CUX1: variants seen among roughly 807,000 people sequenced by gnomAD.
The protein encoded by CUX1 is cut like homeobox 1.
A neutral mutation model predicts 158.8 loss-of-function variants in CUX1; 31 were observed. The ratio of observed to expected loss-of-function variants is 0.20; its 90% CI spans 0.15 to 0.26. The LOEUF (loss-of-function observed/expected upper bound fraction) is 0.26, where lower values mean the gene tolerates loss of function less well. Among genes scored for constraint, CUX1 ranks in the 10% least tolerant of loss-of-function variants. The pLI, the probability that CUX1 is intolerant of heterozygous loss-of-function variation, is 1.00. For missense variants in CUX1, 1,589 were observed against 2,014.6 expected, an observed-to-expected ratio of 0.79 and a Z score of 4.04; for synonymous variants, 879 against 862.1, an observed-to-expected ratio of 1.02 and a Z score of -0.34.
At position 101,923,770 on chromosome 7, in the gene CUX1, G is replaced by A. The variant is rs569304022; in HGVS notation, c.141+7545G>A. Among the ~76,000 whole-genome samples, 269 of 152,304 alleles carry A rather than the reference G, an allele frequency of 1.8e-3. 1 individual carries two copies. Among genetic ancestry groups the A allele is most frequent in the Admixed American group, 3.5e-3 (54 of 15,306 alleles). ...CTCCATCCTGGCTCTTGTTGGCTGC[G>A]GCGGCAGCCCTGACTGTCGGAGACG... is the stretch of plus-strand genomic sequence containing the variant. On this transcript the variant is annotated intron_variant, in intron 2 of 23. Transcript: ENST00000292535.
At chr7:101,906,336 CAGG>C (rs1802750489) in intron 1 of CUX1, among the ~76,000 whole-genome samples, 1 of 151,742 alleles carries the variant, frequency 6.6e-6, no homozygotes, top group Non-Finnish European at 1.5e-5. Flanking sequence ...TGAGGTGAGG[CAGG>C]AGGAGCAGGG....
chr7:102,039,799 A>G (rs1271087303), intron 3 of CUX1, among the ~76,000 whole-genome samples: 1 of 152,088 alleles, frequency 6.6e-6, no homozygotes, highest in Non-Finnish European at 1.5e-5. Context: ...TACATCCATA[A>G]CTGTGTCCAT....
chr7:102,189,987 G>A, intron 12 of CUX1, 116 bp downstream of exon 12: 1 of 1,036,424 alleles, frequency 9.6e-7, no homozygotes, highest in South Asian at 1.4e-5. Flanking sequence ...CTCAGCAGAT[G>A]CCCGTAAATG....
chr7:101,849,944 G>C (rs903706447), intron 1 of CUX1, among the ~76,000 whole-genome samples: 2 of 137,108 alleles, frequency 1.5e-5, no homozygotes, highest in African/African-American at 5.4e-5. Flanking sequence ...TTTTTGACAG[G>C]GTCTCACTCT....
At position 101,833,320 on chromosome 7, in the gene CUX1, G is replaced by A. The variant is rs570368131; in HGVS notation, c.30+15651G>A. 2.0e-5 allele frequency among the ~76,000 whole-genome samples: 3 copies of A among 151,850 alleles called. No individual in the cohort carries two copies. The South Asian group carries it at 6.2e-4, about 32-fold the overall frequency. On this transcript the variant is annotated intron_variant, in intron 1 of 23. Coordinates refer to ENST00000292535, the MANE Select transcript of CUX1 (RefSeq NM_181552.4). Reference sequence around the variant, plus strand: ...TACCAATACTTTAGGAGGTCAAGGCGGAAGGATTGCTTGAGCCCAGTTGTT... The same window carrying A: ...TACCAATACTTTAGGAGGTCAAGGCAGAAGGATTGCTTGAGCCCAGTTGTT...
intron 4 of CUX1, among the ~76,000 whole-genome samples, chr7:102,079,470 C>T (rs1293288413): frequency 6.6e-6 from 1 of 151,790 alleles, no homozygotes; most frequent in African/African-American, 2.4e-5. Context: ...CTTATGATTT[C>T]GTTAGAAATA....
chr7:102,232,495 G>C (rs782369256), intron 21 of CUX1, among the ~76,000 whole-genome samples: 1 of 152,074 alleles, frequency 6.6e-6, no homozygotes, highest in Non-Finnish European at 1.5e-5. Flanking sequence ...TCCCTGCCCC[G>C]GATGGGGAGA....
At chr7:101,853,125 G>T (rs768863565) in intron 1 of CUX1, among the ~76,000 whole-genome samples, 3 of 152,152 alleles carry the variant, frequency 2.0e-5, no homozygotes, top group Non-Finnish European at 2.9e-5. Context: ...AGCTTTGCCA[G>T]TCAATTGCAT....
intron 2 of CUX1, among the ~76,000 whole-genome samples, chr7:102,007,167 G>T (rs1003950234): frequency 6.6e-6 from 1 of 152,092 alleles, no homozygotes; most frequent in African/African-American, 2.4e-5. Context: ...TTTGAGACAG[G>T]GTCTCGCTCT....
At chr7:102,214,905 G>A (rs1003347821) in intron 20 of CUX1, among the ~76,000 whole-genome samples, 57 of 152,162 alleles carry the variant, frequency 3.7e-4, no homozygotes, top group African/African-American at 1.3e-3. Context: ...TTTCCTTGAC[G>A]GCCAAAATTA....
rs544552252 is a variant in CUX1, at chr7:102,046,602, A to C, written c.189+18457A>C. Among the ~76,000 whole-genome samples, 15 of 72,422 alleles carry C rather than the reference A, an allele frequency of 2.1e-4. No individual in the cohort carries two copies. The East Asian group carries it at 3.7e-3, about 18-fold the overall frequency. 47.5% of individuals were successfully genotyped at this position (72,422 alleles called of 152,430 possible). On this transcript the variant is annotated intron_variant, in intron 3 of 23. Transcript: ENST00000292535. ...TTTTTTTTTTTTTTTTTTTTGAGAC[A>C]GTCTCACTCTGTCACCCAGGCTGGA...
In CUX1 at chr7:102,041,358, G is replaced by A. The variant is rs544967443; in HGVS notation, c.189+13213G>A. On this transcript the variant is annotated intron_variant, in intron 3 of 23. Coordinates refer to ENST00000292535, the MANE Select transcript of CUX1 (RefSeq NM_181552.4). ...TAATCTCTGCTTCCTGGGTTCAAGC[G>A]ATTCTCCTGCCTTAGCCTCCTGAGT... is the stretch of plus-strand genomic sequence containing the variant. Among the ~76,000 whole-genome samples the A allele has an allele frequency of 2.0e-3, 284 of 139,750 alleles. 1 individual carries two copies. The highest frequency in any genetic ancestry group is 7.0e-3 in the African/African-American group (266 of 38,254). The allele number at this position is 139,750 out of a possible 152,430, so 91.7% of individuals were successfully genotyped here.
At chr7:102,184,714 A>G (rs2131845899) in intron 11 of CUX1, among the ~76,000 whole-genome samples, 1 of 152,140 alleles carries the variant, frequency 6.6e-6, no homozygotes, top group South Asian at 2.1e-4. Flanking sequence ...TGGCGTGATC[A>G]TAATTCACTG....
chr7:101,845,582 G>A (rs1324502916), intron 1 of CUX1, among the ~76,000 whole-genome samples: 2 of 152,180 alleles, frequency 1.3e-5, no homozygotes, highest in Non-Finnish European at 2.9e-5. Context: ...GATAGGCTTG[G>A]GGCTGGCTGC....
chr7:102,124,931 G>GA (rs1832454190), intron 8 of CUX1, among the ~76,000 whole-genome samples: 1 of 151,924 alleles, frequency 6.6e-6, no homozygotes, highest in Middle Eastern at 3.2e-3. Flanking sequence ...ACAGGCACAG[G>GA]GCACCACGCC....
Position 102,201,611 on chromosome 7 carries a change from G to A in CUX1, c.2314G>A (p.Glu772Lys). The change falls in exon 18 of 24, where the codon GAG (glutamate) becomes AAG (lysine). Residue 772 changes from glutamate to lysine, a missense_variant. Coordinates refer to ENST00000292535, the MANE Select transcript of CUX1 (RefSeq NM_181552.4). This position sits in a 1 kb window ranked among gnomAD's most constrained non-coding sequence, Gnocchi z 5.0. ...ISLKKPSAAP[E>K]AGASALPNPP... ...CCTGAAGAAGCCCTCCGCAGCTCCT[G>A]AGGCCGGTGCCTCTGCTCTGCCGAA... is the stretch of plus-strand genomic sequence containing the variant. 3 of 1,614,014 alleles carry A rather than the reference G, an allele frequency of 1.9e-6. No homozygotes were observed. The highest frequency in any genetic ancestry group is 1.7e-6 in the Non-Finnish European group (2 of 1,180,000).
chr7:102,066,572 G>T (rs1011201346), intron 3 of CUX1, among the ~76,000 whole-genome samples: 1 of 152,104 alleles, frequency 6.6e-6, no homozygotes, highest in African/African-American at 2.4e-5. Flanking sequence ...GCAGCCACCC[G>T]GTACCCTGAG....
intron 2 of CUX1, among the ~76,000 whole-genome samples, chr7:101,966,999 TTTTTA>T (rs112895925): frequency 6.6e-6 from 1 of 152,034 alleles, no homozygotes; most frequent in Non-Finnish European, 1.5e-5. Context: ...ATTTGGAATT[TTTTTA>T]TTTTATTTTA....
At chr7:102,204,714 C>T (rs907361431) in intron 19 of CUX1, among the ~76,000 whole-genome samples, 158 bp downstream of exon 19, 5 of 152,254 alleles carry the variant, frequency 3.3e-5, no homozygotes, top group African/African-American at 1.2e-4. Context: ...GGGGACAGAA[C>T]CGTCCCCTTC....
Sources: allele counts gnomAD v4.1 joint callset (sites outside exome capture counted in the v4.1 genomes callset), GRCh38; gene constraint gnomAD v4.1.1; non-coding constraint Gnocchi (gnomAD v3.1); transcripts MANE v1.5; gene names NCBI Gene and HGNC (gene_info 2026-07-23, HGNC 2026-07-21).